Variants in LINGO1 observed in about 807,000 individuals in gnomAD.
LINGO1 encodes the protein leucine rich repeat and Ig domain containing 1.
Under a neutral mutation model 37.3 loss-of-function variants are expected in LINGO1, and 11 were observed. That is an observed-to-expected ratio of 0.29 (90% CI 0.19 to 0.49). The LOEUF (loss-of-function observed/expected upper bound fraction) is 0.49. Ranked by LOEUF, LINGO1 falls within the 20% of genes least tolerant of loss-of-function variation. LINGO1 has a pLI of 0.99. For missense variants in LINGO1, 585 were observed against 878.2 expected, an observed-to-expected ratio of 0.67 and a Z score of 4.22; for synonymous variants, 387 against 403.0, an observed-to-expected ratio of 0.96 and a Z score of 0.48.
chr15:77,652,671 C>T (rs2074788112), intron 3 of LINGO1, among the ~76,000 whole-genome samples: 1 of 152,224 alleles, frequency 6.6e-6, no homozygotes, highest in Non-Finnish European at 1.5e-5. Context: ...CCCATCTCTG[C>T]CCAGCTAAGT....
intron 3 of LINGO1, among the ~76,000 whole-genome samples, chr15:77,670,363 A>T (rs1408921284): frequency 6.6e-6 from 1 of 152,224 alleles, no homozygotes; most frequent in African/African-American, 2.4e-5. Context: ...ATTATATTTC[A>T]ATTTTTTAAA....
intron 1 of LINGO1, among the ~76,000 whole-genome samples, chr15:77,768,187 A>T (rs2076548331): frequency 6.6e-6 from 1 of 151,918 alleles, no homozygotes; most frequent in South Asian, 2.1e-4. Flanking sequence ...CCAGCCTCCC[A>T]GCAACCCCTG....
At chr15:77,748,243 TCTGA>T (rs1463239623) in intron 1 of LINGO1, among the ~76,000 whole-genome samples, 3 of 152,210 alleles carry the variant, frequency 2.0e-5, no homozygotes, top group African/African-American at 2.4e-5. Flanking sequence ...CACCCTGCAC[TCTGA>T]CTATGCCGTC....
chr15:77,722,670 G>T lies in LINGO1; in HGVS notation c.-195+12322C>A, dbSNP rs560083074. 3.3e-5 allele frequency among the ~76,000 whole-genome samples: 5 copies of T among 152,286 alleles called. No homozygotes were observed. The South Asian group carries it at 1.0e-3, about 32-fold the overall frequency. On this transcript the variant is annotated intron_variant, in intron 2 of 3. Coordinates refer to the LINGO1 transcript ENST00000561686. ...GTATCACGGTTCTGTCTTTTAAAGG[G>T]TCCTCATCTTTTAGAGATATGCGCT...
chr15:77,719,693 CAT>C lies in LINGO1; in HGVS notation c.-195+15297_-195+15298del, dbSNP rs538860252. Among the ~76,000 whole-genome samples, 294 of 150,208 alleles carry C rather than the reference CAT, an allele frequency of 2.0e-3. 12 individuals carry two copies. Among genetic ancestry groups the C allele is most frequent in the Non-Finnish European group, 3.3e-3 (220 of 67,486 alleles). On this transcript the variant is annotated intron_variant, in intron 2 of 3. Coordinates refer to the LINGO1 transcript ENST00000561686. Reference sequence around the variant, plus strand: ...TGTGGCTAGAACACATACACACACACATGCTCTCATACATATGTGTACTCACA... The same window carrying C: ...TGTGGCTAGAACACATACACACACACGCTCTCATACATATGTGTACTCACA...
In LINGO1 at chr15:77,716,280, CTTTT is replaced by C. The variant is rs5813879; in HGVS notation, c.-195+18708_-195+18711del. Among the ~76,000 whole-genome samples, 1,015 of 119,238 alleles carry C rather than the reference CTTTT, an allele frequency of 8.5e-3. 18 individuals carry two copies. The highest frequency in any genetic ancestry group is 0.03 in the African/African-American group (975 of 32,634). 78.2% of individuals were successfully genotyped at this position (119,238 alleles called of 152,430 possible). On this transcript the variant is annotated intron_variant, in intron 2 of 3. Transcript: ENST00000561686. ...GGCTATTTTCTTTCTTCTTCTTCTTCTTTTTTTTTTTTTTTTTTGAGACAGGGTC... is the reference window on the plus strand; with the variant it reads ...GGCTATTTTCTTTCTTCTTCTTCTTCTTTTTTTTTTTTTTGAGACAGGGTC...
chr15:77,680,208 G>C (rs984598450), intron 2 of LINGO1, among the ~76,000 whole-genome samples: 1 of 152,192 alleles, frequency 6.6e-6, no homozygotes, highest in Non-Finnish European at 1.5e-5. Context: ...AGGTCCCTGA[G>C]TTGTTGTGTG....
intron 1 of LINGO1, among the ~76,000 whole-genome samples, chr15:77,762,724 C>T (rs540738773): frequency 6.6e-6 from 1 of 152,318 alleles, no homozygotes; most frequent in African/African-American, 2.4e-5. Context: ...AACACTCAGT[C>T]CACAGATCAC....
chr15:77,781,725 G>T (rs934625698), intron 1 of LINGO1, among the ~76,000 whole-genome samples: 1 of 152,250 alleles, frequency 6.6e-6, no homozygotes, highest in Non-Finnish European at 1.5e-5. Context: ...AAGCTCAGAG[G>T]GGGTAGTGAC....
At chr15:77,800,247 C>T (rs942498607) in intron 1 of LINGO1, among the ~76,000 whole-genome samples, 4 of 152,192 alleles carry the variant, frequency 2.6e-5, no homozygotes, top group Non-Finnish European at 5.9e-5. Context: ...GGGCACATTC[C>T]GTGACAGCTG....
At position 77,739,539 on chromosome 15, in the gene LINGO1, G is replaced by T. The variant is rs987608771; in HGVS notation, c.-256-4486C>A. ...CCTTGGGATGCCTTGATGGAACAAA[G>T]GTTAAAATACCCCTTTCTCTTGCAA... is the stretch of plus-strand genomic sequence containing the variant. On this transcript the variant is annotated intron_variant, in intron 1 of 3. Coordinates refer to the LINGO1 transcript ENST00000561686. Among the ~76,000 whole-genome samples, 3 of 152,160 alleles carry T rather than the reference G, an allele frequency of 2.0e-5. No homozygotes were observed. In the East Asian group the frequency reaches 5.8e-4, roughly 29 times the overall value.
chr15:77,799,285 G>A (rs754460364), intron 1 of LINGO1, among the ~76,000 whole-genome samples: 7 of 152,124 alleles, frequency 4.6e-5, no homozygotes, highest in African/African-American at 7.2e-5. Context: ...ATCAGAGGGC[G>A]GGCGCCAGGC....
chr15:77,641,693 CCCA>C (rs1442757602), intron 3 of LINGO1: 1 of 369,594 alleles, frequency 2.7e-6, no homozygotes, highest in Non-Finnish European at 5.4e-6. Context: ...CACCCCGTCT[CCCA>C]CCATCTTGAC....
intron 2 of LINGO1, among the ~76,000 whole-genome samples, chr15:77,793,495 C>T (rs577557167): frequency 6.6e-6 from 1 of 152,230 alleles, no homozygotes; most frequent in South Asian, 2.1e-4. Flanking sequence ...TCCCCAGACA[C>T]ACTCCAAACT....
chr15:77,643,156 G>A lies in LINGO1; in HGVS notation c.-12-27256C>T, dbSNP rs569464984. ...TGCCTGTCTGTCACCCGCTTATCAG[G>A]GTGAGGGCAGCTGGGGCTGGCACTT... On this transcript the variant is annotated intron_variant, in intron 3 of 3. Transcript: ENST00000559893. Among the ~76,000 whole-genome samples, 4 of 152,362 alleles carry A rather than the reference G, an allele frequency of 2.6e-5. No homozygotes were observed. The South Asian group carries it at 8.3e-4, about 32-fold the overall frequency.
At chr15:77,812,860 G>A (rs2077017230) in intron 1 of LINGO1, among the ~76,000 whole-genome samples, 1 of 152,370 alleles carries the variant, frequency 6.6e-6, no homozygotes, top group East Asian at 1.9e-4. Context: ...TATCTATGAT[G>A]AGCGTCTCAG....
chr15:77,735,478 G>A, intron 1 of LINGO1, among the ~76,000 whole-genome samples: 1 of 152,216 alleles, frequency 6.6e-6, no homozygotes, highest in Non-Finnish European at 1.5e-5. Context: ...GGAGCACAGA[G>A]GAGCTGGTGG....
chr15:77,727,100 A>G (rs2076109945), intron 2 of LINGO1, among the ~76,000 whole-genome samples: 1 of 152,242 alleles, frequency 6.6e-6, no homozygotes, highest in East Asian at 1.9e-4. Flanking sequence ...TTGCAAGGAC[A>G]TGGAGAAATC....
intron 2 of LINGO1, among the ~76,000 whole-genome samples, chr15:77,722,568 C>T (rs2076061262): frequency 6.6e-6 from 1 of 152,228 alleles, no homozygotes; most frequent in South Asian, 2.1e-4. Context: ...TAACTCCTAC[C>T]TCAAGGCAAT....
Sources: gnomAD v4.1 joint callset for allele counts (sites outside exome capture counted in the v4.1 genomes callset) on GRCh38, gnomAD v4.1.1 for gene constraint, MANE v1.5 for transcripts, NCBI Gene and HGNC (gene_info 2026-07-23, HGNC 2026-07-21) for gene names.